Variants in KCND2 observed in about 807,000 individuals in gnomAD.
The protein encoded by KCND2 is A-type voltage-gated potassium channel KCND2.
A neutral mutation model predicts 54.4 loss-of-function variants in KCND2; 16 were observed. That is an observed-to-expected ratio of 0.29 (90% CI 0.20 to 0.45). KCND2 has a LOEUF of 0.45. KCND2 is among the 20% of genes least tolerant of loss of function. The pLI is 1.00. For missense variants in KCND2, 486 were observed against 824.2 expected, an observed-to-expected ratio of 0.59 and a Z score of 5.02; for synonymous variants, 317 against 310.7, an observed-to-expected ratio of 1.02 and a Z score of -0.21.
At chr7:120,598,828 T>C (rs1020753800) in intron 1 of KCND2, among the ~76,000 whole-genome samples, 1 of 152,246 alleles carries the variant, frequency 6.6e-6, no homozygotes, top group African/African-American at 2.4e-5. Flanking sequence ...AATGAACATT[T>C]AGATAGGCAA....
intron 1 of KCND2, among the ~76,000 whole-genome samples, chr7:120,578,840 G>T (rs1057124268): frequency 6.6e-6 from 1 of 151,940 alleles, no homozygotes; most frequent in East Asian, 1.9e-4. Context: ...ACTCCAGCCT[G>T]AGCGACAGGG....
rs188924730 is a variant in KCND2 at position 120,676,846 on chromosome 7, A to C, written c.1116-56057A>C. On this transcript the variant is annotated intron_variant, in intron 1 of 5. Transcript: ENST00000331113. ...CCATTTGATGATGCTGGATAGGAAAAAGAAAAAAGGCATCTGGGTAGCCAC... is the reference window on the plus strand; with the variant it reads ...CCATTTGATGATGCTGGATAGGAAACAGAAAAAAGGCATCTGGGTAGCCAC... Among the ~76,000 whole-genome samples, 4 of 152,324 alleles carry C rather than the reference A, an allele frequency of 2.6e-5. No homozygotes were observed. In the East Asian group the frequency reaches 7.7e-4, roughly 29 times the overall value.
intron 1 of KCND2, among the ~76,000 whole-genome samples, chr7:120,401,998 T>C (rs892760125): frequency 6.6e-6 from 1 of 152,148 alleles, no homozygotes; most frequent in African/African-American, 2.4e-5. Flanking sequence ...GGCTCAATAT[T>C]TCTGAATAAG....
At chr7:120,454,423 A>G (rs558401051) in intron 1 of KCND2, among the ~76,000 whole-genome samples, 51 of 152,336 alleles carry the variant, frequency 3.3e-4, no homozygotes, top group Non-Finnish European at 6.6e-4. Flanking sequence ...TGCTACAAAC[A>G]TCTCTGTGAA....
chr7:120,480,172 A>G (rs916719444), intron 1 of KCND2, among the ~76,000 whole-genome samples: 1 of 152,104 alleles, frequency 6.6e-6, no homozygotes, highest in Non-Finnish European at 1.5e-5. Flanking sequence ...GGAATATTTT[A>G]AAATGTAGGC....
intron 2 of KCND2, among the ~76,000 whole-genome samples, chr7:120,735,295 A>G (rs901684751): frequency 1.8e-4 from 28 of 152,016 alleles, no homozygotes; most frequent in African/African-American, 6.5e-4. Context: ...CCCCACCACC[A>G]GGGACCTTCA....
chr7:120,425,917 A>G (rs150395739), intron 1 of KCND2, among the ~76,000 whole-genome samples: 4 of 148,220 alleles, frequency 2.7e-5, no homozygotes, highest in African/African-American at 4.9e-5. Context: ...TCTTTCTCCT[A>G]TGTTATTTTC....
intron 1 of KCND2, among the ~76,000 whole-genome samples, chr7:120,350,354 C>G (rs1201092543): frequency 2.0e-5 from 3 of 152,024 alleles, no homozygotes; most frequent in African/African-American, 7.2e-5. Flanking sequence ...ATTAATTTTC[C>G]TACATTTCTT....
intron 1 of KCND2, among the ~76,000 whole-genome samples, chr7:120,347,770 A>AT (rs1470260035): frequency 6.6e-6 from 1 of 152,058 alleles, no homozygotes; most frequent in Admixed American, 6.6e-5. Context: ...AAAAAAAAAA[A>AT]AGCTGCATTT....
At chr7:120,738,460 C>A (rs1271659356) in intron 2 of KCND2, among the ~76,000 whole-genome samples, 1 of 152,008 alleles carries the variant, frequency 6.6e-6, no homozygotes, top group Non-Finnish European at 1.5e-5. Context: ...ATGAGACAGA[C>A]AACTTTTTTC....
At chr7:120,736,471 G>A (rs900646182) in intron 2 of KCND2, among the ~76,000 whole-genome samples, 27 of 151,954 alleles carry the variant, frequency 1.8e-4, no homozygotes, top group Non-Finnish European at 3.4e-4. Flanking sequence ...TTACTGAGTA[G>A]AATGTATTAG....
chr7:120,442,246 A>G (rs1410537047), intron 1 of KCND2, among the ~76,000 whole-genome samples: 2 of 152,108 alleles, frequency 1.3e-5, no homozygotes, highest in Non-Finnish European at 2.9e-5. Flanking sequence ...GCTGCTGTCC[A>G]TGAGTCTAAT....
At chr7:120,604,331 G>A (rs1244042965) in intron 1 of KCND2, among the ~76,000 whole-genome samples, 13 of 109,620 alleles carry the variant, frequency 1.2e-4, no homozygotes, top group South Asian at 3.6e-4. Flanking sequence ...GCAAAACCCC[G>A]TCTTTACTAA....
intron 1 of KCND2, among the ~76,000 whole-genome samples, chr7:120,465,579 A>G (rs529348980): frequency 6.6e-6 from 1 of 152,314 alleles, no homozygotes; most frequent in African/African-American, 2.4e-5. Context: ...GAAGAGTTTC[A>G]GTGAAAACCT....
chr7:120,695,284 A>G (rs4727914), intron 1 of KCND2, among the ~76,000 whole-genome samples: 58,667 of 151,502 alleles, frequency 0.39, 12,738 homozygotes, highest in African/African-American at 0.57. Context: ...CCATAAGTTT[A>G]CTGCCTGACT....
chr7:120,476,625 T>A (rs1216739602), intron 1 of KCND2, among the ~76,000 whole-genome samples: 1 of 150,478 alleles, frequency 6.6e-6, no homozygotes, highest in African/African-American at 2.4e-5. Context: ...ATATGATGTA[T>A]GTGCCTGTGT....
intron 1 of KCND2, among the ~76,000 whole-genome samples, chr7:120,729,756 C>T (rs76864790): frequency 0.019 from 2,897 of 152,288 alleles, 31 homozygotes; most frequent in African/African-American, 0.026. Context: ...CAAATACTCA[C>T]CTGTGTTTTC....
intron 1 of KCND2, among the ~76,000 whole-genome samples, chr7:120,313,709 T>G (rs144962649): frequency 6.6e-6 from 1 of 151,430 alleles, no homozygotes; most frequent in African/African-American, 2.4e-5. Flanking sequence ...ATTGCTCTTC[T>G]TTAGAAAACT....
intron 1 of KCND2, among the ~76,000 whole-genome samples, chr7:120,682,608 C>G (rs1300552059): frequency 1.3e-5 from 2 of 152,098 alleles, no homozygotes; most frequent in African/African-American, 4.8e-5. Flanking sequence ...AAAGACAGTG[C>G]AGTCTTTCTG....
Sources: gnomAD v4.1 joint callset for allele counts (sites outside exome capture counted in the v4.1 genomes callset) on GRCh38, gnomAD v4.1.1 for gene constraint, MANE v1.5 for transcripts, NCBI Gene and HGNC (gene_info 2026-07-23, HGNC 2026-07-21) for gene names.